The following PPP4R1 variants were observed in gnomAD, a reference collection of about 807,000 sequenced individuals.
PPP4R1 encodes serine/threonine-protein phosphatase 4 regulatory subunit 1.
Under a neutral mutation model 111.2 loss-of-function variants are expected in PPP4R1, and 42 were observed. That is an observed-to-expected ratio of 0.38 (90% CI 0.29 to 0.49). PPP4R1 has a LOEUF of 0.49. PPP4R1 is among the 20% of genes least tolerant of loss of function. The probability of loss-of-function intolerance (pLI) is 0.97; values close to 1 mark genes in which losing one functional copy is unlikely to be tolerated. For synonymous variants in PPP4R1, 409 were observed against 405.5 expected (o/e 1.01, Z -0.10); for missense variants, 1,012 against 1,161.6 (o/e 0.87, Z 1.87).
At chr18:9,550,536 G>C in intron 16 of PPP4R1, 138 bp from the exon 17 acceptor site, 6 of 932,828 alleles carry the variant, frequency 6.4e-6, no homozygotes, top group Non-Finnish European at 9.6e-6. Flanking sequence ...TGATTAAGCA[G>C]ACCTCTCCTG....
At chr18:9,570,761 A>C in intron 10 of PPP4R1, 78 bp from the exon 11 acceptor site, 1 of 1,416,070 alleles carries the variant, frequency 7.1e-7, no homozygotes, top group Non-Finnish European at 9.4e-7. Flanking sequence ...AAGATATTAC[A>C]TATAGCATTT....
chr18:9,555,104 A>C (rs2066550304), intron 15 of PPP4R1, among the ~76,000 whole-genome samples: 1 of 152,114 alleles, frequency 6.6e-6, no homozygotes, highest in South Asian at 2.1e-4. Flanking sequence ...GGAGTTCAAG[A>C]CCAGTGTGGG....
intron 4 of PPP4R1, among the ~76,000 whole-genome samples, chr18:9,589,540 T>C (rs1352648484): frequency 6.6e-6 from 1 of 152,126 alleles, no homozygotes; most frequent in Non-Finnish European, 1.5e-5. Flanking sequence ...AAAGATAATA[T>C]TAAATGTTCA....
intron 8 of PPP4R1, 81 bp downstream of exon 8, chr18:9,584,434 T>C (rs2067081759): frequency 8.1e-7 from 1 of 1,228,462 alleles, no homozygotes; most frequent in Non-Finnish European, 1.1e-6. Context: ...AATAAAACTT[T>C]GGAGTAAATG....
chr18:9,571,170 T>C (rs1199389786), intron 10 of PPP4R1, among the ~76,000 whole-genome samples: 1 of 152,246 alleles, frequency 6.6e-6, no homozygotes, highest in African/African-American at 2.4e-5. Context: ...AAAACAATTT[T>C]AAGATAGTAG....
rs370830105 is a variant in PPP4R1 at position 9,593,828 on chromosome 18, C to T, written c.235G>A (p.Asp79Asn). ...ACAGCAATACAATCTCTTTCATCAT[C>T]GCAGACTTCCCTCAAGGTATCGAGC... ...SLLDTLREVC[D>N]DERDCIAVLE... is the part of the protein sequence containing the mutation. The change falls in exon 4 of 20, where the codon GAT becomes AAT. Residue 79 changes from aspartate to asparagine, a missense_variant. By Grantham distance (23) the Asp-to-Asn change is conservative. This residue lies in a region of PPP4R1 where 707 missense variants were observed against 742.1 expected (regional missense o/e 0.95). Coordinates refer to ENST00000400556, the MANE Select transcript of PPP4R1 (RefSeq NM_001042388.3). 15 of 1,613,742 alleles carry T rather than the reference C, an allele frequency of 9.3e-6. No homozygotes were observed. The East Asian group carries it at 2.7e-4, about 29-fold the overall frequency.
rs2066411551 is a variant in PPP4R1, at chr18:9,546,987, G to A, written c.*802C>T. The stretch of plus-strand genomic sequence containing the variant: ...AGTTTAAACAGCATGATTAAAGACT[G>A]CAGCACTCCCAAGAGTGGTCACAGG... On this transcript the variant is annotated 3_prime_UTR_variant, in exon 20 of 20. Coordinates refer to ENST00000400556, the MANE Select transcript of PPP4R1 (RefSeq NM_001042388.3). 2 of 152,400 alleles carry A rather than the reference G, an allele frequency of 1.3e-5. No homozygotes were observed. Among genetic ancestry groups the A allele is most frequent in the Non-Finnish European group, 2.9e-5 (2 of 68,022 alleles). The allele number at this position is 152,400 out of a possible 1,614,324, so 9.4% of individuals were successfully genotyped here. A position where few individuals can be genotyped will look rare whatever the true frequency, so the allele number is the denominator to read the frequency against.
intron 3 of PPP4R1, chr18:9,594,196 C>A: frequency 5.5e-6 from 1 of 181,716 alleles, no homozygotes; most frequent in Non-Finnish European, 1.2e-5. Flanking sequence ...TCCCAAAGTG[C>A]TGGGATTACA....
intron 4 of PPP4R1, among the ~76,000 whole-genome samples, chr18:9,591,118 C>G (rs1185143131): frequency 6.6e-6 from 1 of 151,860 alleles, no homozygotes; most frequent in Non-Finnish European, 1.5e-5. Flanking sequence ...GAGGCTGAGT[C>G]AGGTGGATCA....
intron 19 of PPP4R1, among the ~76,000 whole-genome samples, chr18:9,548,880 T>C (rs929268262): frequency 6.6e-6 from 1 of 152,188 alleles, no homozygotes; most frequent in South Asian, 2.1e-4. Flanking sequence ...ATCGCACCAT[T>C]GCACTCCAGC....
chr18:9,585,074 C>A (rs760265451), intron 6 of PPP4R1, among the ~76,000 whole-genome samples: 5 of 152,042 alleles, frequency 3.3e-5, no homozygotes, highest in South Asian at 2.1e-4. Context: ...CCCAGTAAAC[C>A]CACAGAAAAT....
intron 15 of PPP4R1, among the ~76,000 whole-genome samples, chr18:9,553,677 A>G (rs2066524208): frequency 6.6e-6 from 1 of 152,228 alleles, no homozygotes; most frequent in South Asian, 2.1e-4. Context: ...TAAACCCCAC[A>G]GTACCCCGGG....
chr18:9,548,745 C>T (rs897790419), intron 19 of PPP4R1, among the ~76,000 whole-genome samples: 2 of 152,062 alleles, frequency 1.3e-5, no homozygotes, highest in Admixed American at 6.5e-5. Context: ...GGTGAAACCC[C>T]ATCTCTACTA....
chr18:9,616,140 A>T (rs1379880462), upstream of PPP4R1, among the ~76,000 whole-genome samples: 1 of 152,204 alleles, frequency 6.6e-6, no homozygotes, highest in African/African-American at 2.4e-5. Flanking sequence ...ATCAACAGCA[A>T]TTGGTCCCAA....
chr18:9,560,826 C>A (rs1009820298), intron 13 of PPP4R1, among the ~76,000 whole-genome samples: 1 of 151,796 alleles, frequency 6.6e-6, no homozygotes, highest in African/African-American at 2.4e-5. Flanking sequence ...CTCGCCACTG[C>A]ACTCCAGCCT....
At chr18:9,561,150 C>T (rs761126026) in intron 13 of PPP4R1, among the ~76,000 whole-genome samples, 7 of 149,356 alleles carry the variant, frequency 4.7e-5, no homozygotes, top group Non-Finnish European at 1.0e-4. Flanking sequence ...ACCCAGGAGG[C>T]GGAGGCTGCA....
At position 9,614,228 on chromosome 18, in the gene PPP4R1, C is replaced by T; in HGVS notation, c.50G>A (p.Gly17Glu). The part of the protein sequence containing the change: ...LQEDLQEDAD[G>E]FGVDDYSSES... ...CACCGCGAGGCCGGGCCACTCACAT[C>T]CGTCTGCGTCCTCCTGCAGGTCCTC... is the stretch of plus-strand genomic sequence containing the variant. The change falls in exon 2 of 20, where the codon GGA (glycine) becomes GAA (glutamate). Residue 17 changes from glycine to glutamate, a missense_variant and splice_region_variant. Transcript: ENST00000400556. The surrounding 1 kb of genome is among the most constrained non-coding windows in gnomAD (Gnocchi z 4.1). 2 of 1,366,514 alleles carry T rather than the reference C, an allele frequency of 1.5e-6. No individual in the cohort carries two copies. The highest frequency in any genetic ancestry group is 1.9e-6 in the Non-Finnish European group (2 of 1,047,132). The allele number at this position is 1,366,514 out of a possible 1,614,324, so 84.6% of individuals were successfully genotyped here.
rs760995169 is a variant in PPP4R1, at chr18:9,570,347, A to G, written c.1383T>C (p.Thr461=). Residue 461 remains threonine (T), a synonymous_variant, in exon 11 of 20, where the codon ACT becomes ACC. Coordinates refer to ENST00000400556, the MANE Select transcript of PPP4R1 (RefSeq NM_001042388.3). ...ELYNSFHFWR[T]PLPEIDLDIE... ...TGTCTAGATCTATTTCAGGAAGAGG[A>G]GTCCTCCAGAAATGGAAGGAGTTAT... is the stretch of plus-strand genomic sequence containing the variant. 6.2e-7 allele frequency: 1 copy of G among 1,611,284 alleles called. No individual in the cohort carries two copies. The highest frequency in any genetic ancestry group is 8.5e-7 in the Non-Finnish European group (1 of 1,178,782).
At chr18:9,585,811 G>C (rs376881332) in intron 6 of PPP4R1, among the ~76,000 whole-genome samples, 2 of 152,002 alleles carry the variant, frequency 1.3e-5, no homozygotes, top group African/African-American at 4.8e-5. Context: ...ATATGAAATC[G>C]AACAAAATAC....
Sources: gnomAD v4.1 joint callset for allele counts (sites outside exome capture counted in the v4.1 genomes callset) on GRCh38, gnomAD v4.1.1 for gene constraint, gnomAD v4.1.1 regional missense constraint, Gnocchi (gnomAD v3.1) non-coding constraint, MANE v1.5 for transcripts, NCBI Gene and HGNC (gene_info 2026-07-23, HGNC 2026-07-21) for gene names.